GJB3: variants seen among roughly 807,000 people sequenced by gnomAD.
The protein encoded by GJB3 is gap junction protein beta 3.
In GJB3, 6 loss-of-function variants were observed where a neutral mutation model predicts 8.1. The ratio of observed to expected loss-of-function variants is 0.75; its 90% confidence interval spans 0.41 to 1.47. GJB3 has a LOEUF of 1.47. Ranked by LOEUF, GJB3 falls within the 40% of genes most tolerant of loss-of-function variation. The probability of loss-of-function intolerance (pLI) is 0.02; values close to 1 mark genes in which losing one functional copy is unlikely to be tolerated. For missense variants in GJB3, 348 were observed against 365.6 expected (o/e 0.95, Z 0.39); for synonymous variants, 137 against 156.4 (o/e 0.88, Z 0.93).
chr1:34,782,912 T>C (rs1261118745), intron 1 of GJB3, among the ~76,000 whole-genome samples: 2 of 152,164 alleles, frequency 1.3e-5, no homozygotes, highest in African/African-American at 2.4e-5. Flanking sequence ...TTCATTTGTT[T>C]ACCCATTCAG....
Position 34,784,888 on chromosome 1 carries a change from CGT to C in GJB3, c.130_131del (p.Trp44GlyfsTer3). 2 of 1,614,096 alleles carry C rather than the reference CGT, an allele frequency of 1.2e-6. No homozygotes were observed. The highest frequency in any genetic ancestry group is 1.7e-6 in the Non-Finnish European group (2 of 1,180,012). Reference sequence around the variant, plus strand: ...TGGTATACGTGGTGGCTGCAGAGCGCGTGTGGGGGGATGAGCAGAAGGACTTT... The same window carrying C: ...TGGTATACGTGGTGGCTGCAGAGCGCGTGGGGGGATGAGCAGAAGGACTTT... ...VLVYVVAAER[V>X]WGDEQKDFDC... On this transcript the variant is annotated frameshift_variant, in exon 2 of 2. Transcript: ENST00000373366. LOFTEE classifies it high-confidence loss of function.
Position 34,785,719 on chromosome 1 carries a change from G to A in GJB3, c.*144G>A. 1.5e-6 allele frequency: 1 copy of A among 689,302 alleles called. No individual in the cohort carries two copies. The highest frequency in any genetic ancestry group is 2.6e-6 in the Non-Finnish European group (1 of 390,252). 42.7% of individuals were successfully genotyped at this position (689,302 alleles called of 1,614,324 possible). On this transcript the variant is annotated 3_prime_UTR_variant, in exon 2 of 2. Transcript: ENST00000373366. The surrounding 1 kb of genome is among the most constrained non-coding windows in gnomAD (Gnocchi z 4.7). The stretch of plus-strand genomic sequence containing the variant: ...ACTTTCGTTTTGGCAGATATTTTTT[G>A]ACACTGGGAACTGGGCTGTCTAGCC...
In GJB3 at chr1:34,785,064, G is replaced by A. The variant is rs765605645; in HGVS notation, c.302G>A (p.Arg101Gln). The A allele has an allele frequency of 3.2e-5, 52 of 1,613,948 alleles. No individual in the cohort carries two copies. The highest frequency in any genetic ancestry group is 1.6e-4 in the Middle Eastern group (1 of 6,084). ...VILHVAYREERERRHRQKHGD... is the reference protein window; with the variant it reads ...VILHVAYREEQERRHRQKHGD... The stretch of plus-strand genomic sequence containing the variant: ...CTGCACGTGGCCTACCGTGAGGAGC[G>A]GGAGCGCCGGCACCGCCAGAAACAC... Residue 101 changes from arginine (R) to glutamine (Q), a missense_variant, in exon 2 of 2, where the codon CGG becomes CAG. Transcript: ENST00000373366. The surrounding 1 kb of genome is among the most constrained non-coding windows in gnomAD (Gnocchi z 4.7).
At chr1:34,784,227 C>G (rs562957632) in intron 1 of GJB3, among the ~76,000 whole-genome samples, 2 of 152,286 alleles carry the variant, frequency 1.3e-5, no homozygotes, top group African/African-American at 4.8e-5. Context: ...GCTCTGGTAC[C>G]CAACAGCCTG....
At position 34,785,618 on chromosome 1, in the gene GJB3, C is replaced by A. The variant is rs41266429; in HGVS notation, c.*43C>A. ...GGCAACATGCGGGCTGCCAATGGGA[C>A]ATGCAGGGCGGTGTGGCAGGTGGAG... On this transcript the variant is annotated 3_prime_UTR_variant, in exon 2 of 2. Transcript: ENST00000373366. The surrounding 1 kb of genome is among the most constrained non-coding windows in gnomAD (Gnocchi z 4.7). The A allele has an allele frequency of 0.12, 188,285 of 1,516,312 alleles. 12,316 individuals are homozygous for A. The highest frequency in any genetic ancestry group is 0.15 in the Admixed American group (8,984 of 59,164). 93.9% of individuals were successfully genotyped at this position (1,516,312 alleles called of 1,614,324 possible).
At position 34,786,040 on chromosome 1, in the gene GJB3, A is replaced by G. The variant is rs577259542; in HGVS notation, c.*465A>G. 5.8e-5 allele frequency: 11 copies of G among 190,636 alleles called. No homozygotes were observed. The highest frequency in any genetic ancestry group is 2.6e-4 in the African/African-American group (11 of 41,740). 11.8% of individuals were successfully genotyped at this position (190,636 alleles called of 1,614,324 possible). On this transcript the variant is annotated 3_prime_UTR_variant, in exon 2 of 2. Coordinates refer to ENST00000373366, the MANE Select transcript of GJB3 (RefSeq NM_024009.3). The surrounding 1 kb of genome is among the most constrained non-coding windows in gnomAD (Gnocchi z 4.4). Reference sequence around the variant, plus strand: ...GCCTCAGCAGACCTAAGGCATCTCTACTCCCTCCAGAGGAGCCGCCCAGAT... The same window carrying G: ...GCCTCAGCAGACCTAAGGCATCTCTGCTCCCTCCAGAGGAGCCGCCCAGAT...
chr1:34,782,616 A>G (rs923635649), intron 1 of GJB3, among the ~76,000 whole-genome samples: 13 of 152,156 alleles, frequency 8.5e-5, no homozygotes, highest in African/African-American at 2.9e-4. Flanking sequence ...GTTCCATGCT[A>G]TCCCACTCCC....
chr1:34,784,628 C>G, intron 1 of GJB3, 110 bp from the exon 2 acceptor site: 1 of 736,896 alleles, frequency 1.4e-6, no homozygotes, highest in Non-Finnish European at 2.4e-6. Context: ...CTCAGAGGGT[C>G]GTTGTGAGTA....
At chr1:34,783,712 C>T (rs139404997) in intron 1 of GJB3, among the ~76,000 whole-genome samples, 6 of 152,286 alleles carry the variant, frequency 3.9e-5, no homozygotes, top group Non-Finnish European at 1.5e-5. Flanking sequence ...CACACACACA[C>T]GTGGACAGGC....
In GJB3 at chr1:34,785,407, G is replaced by A. The variant is rs1640094093; in HGVS notation, c.645G>A (p.Leu215=). 3 of 1,614,162 alleles carry A rather than the reference G, an allele frequency of 1.9e-6. No homozygotes were observed. Among genetic ancestry groups the A allele is most frequent in the Non-Finnish European group, 2.5e-6 (3 of 1,180,040 alleles). ...ELCYLICHRV[L]RGLHKDKPRG... The stretch of plus-strand genomic sequence containing the variant: ...GCTACCTCATCTGCCACAGGGTCCT[G>A]CGAGGCCTGCACAAGGACAAGCCTC... The change falls in exon 2 of 2, where the codon CTG becomes CTA. Residue 215 remains leucine (L), a synonymous_variant. Transcript: ENST00000373366. This position sits in a 1 kb window ranked among gnomAD's most constrained non-coding sequence, Gnocchi z 4.7.
At chr1:34,782,116 A>G (rs1015437903) in intron 1 of GJB3, among the ~76,000 whole-genome samples, 2 of 152,174 alleles carry the variant, frequency 1.3e-5, no homozygotes, top group Non-Finnish European at 2.9e-5. Context: ...GGCTGGGCAC[A>G]GTACAGTCTG....
Position 34,784,801 on chromosome 1 carries a change from G to A in GJB3, c.39G>A (p.Val13=), listed in dbSNP as rs1640071811. The A allele has an allele frequency of 1.2e-6, 2 of 1,614,222 alleles. No individual in the cohort carries two copies. The highest frequency in any genetic ancestry group is 1.3e-5 in the African/African-American group (1 of 75,058). ...CACTCCAGGCCCTACTGAGCGGTGTGAACAAGTACTCCACAGCGTTCGGGC... is the reference window on the plus strand; with the variant it reads ...CACTCCAGGCCCTACTGAGCGGTGTAAACAAGTACTCCACAGCGTTCGGGC... ...WKTLQALLSG[V]NKYSTAFGRI... The change falls in exon 2 of 2, where the codon GTG becomes GTA. Residue 13 remains valine (V), a synonymous_variant. Coordinates refer to ENST00000373366, the MANE Select transcript of GJB3 (RefSeq NM_024009.3).
rs143866277 is a variant in GJB3, at chr1:34,785,090, G to A, written c.328G>A (p.Gly110Arg). Residue 110 changes from glycine (G) to arginine (R), a missense_variant, in exon 2 of 2, where the codon GGG becomes AGG. Transcript: ENST00000373366. The surrounding 1 kb of genome is among the most constrained non-coding windows in gnomAD (Gnocchi z 4.7). ...GGAGCGCCGGCACCGCCAGAAACAC[G>A]GGGACCAGTGCGCCAAGCTGTACGA... is the stretch of plus-strand genomic sequence containing the variant. The part of the protein sequence containing the change: ...ERERRHRQKH[G>R]DQCAKLYDNA... The A allele has an allele frequency of 2.0e-5, 32 of 1,613,954 alleles. No individual in the cohort carries two copies. Among genetic ancestry groups the A allele is most frequent in the African/African-American group, 1.2e-4 (9 of 74,924 alleles).
intron 1 of GJB3, among the ~76,000 whole-genome samples, chr1:34,783,160 C>T (rs1640040526): frequency 6.6e-6 from 1 of 151,628 alleles, no homozygotes; most frequent in Non-Finnish European, 1.5e-5. Context: ...AGGTAGGAGG[C>T]TCCCTTGAGC....
intron 1 of GJB3, 137 bp from the exon 2 acceptor site, chr1:34,784,601 G>A (rs1041595555): frequency 3.0e-6 from 2 of 671,086 alleles, no homozygotes; most frequent in Non-Finnish European, 5.4e-6. Flanking sequence ...CAGCTTGGGA[G>A]GAATAACAGT....
chr1:34,782,822 C>G (rs1369523133), intron 1 of GJB3, among the ~76,000 whole-genome samples: 2 of 151,652 alleles, frequency 1.3e-5, no homozygotes, highest in African/African-American at 4.8e-5. Flanking sequence ...CCCAATCCCC[C>G]TGACCAGGCT....
At chr1:34,784,088 T>C (rs917207782) in intron 1 of GJB3, among the ~76,000 whole-genome samples, 1 of 152,208 alleles carries the variant, frequency 6.6e-6, no homozygotes, top group Non-Finnish European at 1.5e-5. Context: ...GTTTCCCTGC[T>C]GTAGAATGGG....
rs998350968 is a variant in GJB3, at chr1:34,786,204, A to G, written c.*629A>G. ...TGGAAGCCCTCTTTCCCCAAATCCTACTCCCTCAGCCTCAGGCAGTGGTGC... is the reference window on the plus strand; with the variant it reads ...TGGAAGCCCTCTTTCCCCAAATCCTGCTCCCTCAGCCTCAGGCAGTGGTGC... On this transcript the variant is annotated 3_prime_UTR_variant, in exon 2 of 2. Transcript: ENST00000373366. The surrounding 1 kb of genome is among the most constrained non-coding windows in gnomAD (Gnocchi z 4.4). The G allele has an allele frequency of 6.0e-6, 1 of 167,548 alleles. No individual in the cohort carries two copies. The highest frequency in any genetic ancestry group is 1.5e-5 in the Non-Finnish European group (1 of 68,730). 10.4% of individuals were successfully genotyped at this position (167,548 alleles called of 1,614,324 possible).
rs1223118947 is a variant in GJB3, at chr1:34,785,495, C to T, written c.733C>T (p.Leu245=). The change falls in exon 2 of 2, where the codon CTG becomes TTG. Residue 245 remains leucine (L), a synonymous_variant. Coordinates refer to ENST00000373366, the MANE Select transcript of GJB3 (RefSeq NM_024009.3). The surrounding 1 kb of genome is among the most constrained non-coding windows in gnomAD (Gnocchi z 4.7). The stretch of plus-strand genomic sequence containing the variant: ...TTCCACCTGCCGCTGCCACCACAAG[C>T]TGGTGGAGGCTGGGGAGGTGGATCC... ...RASTCRCHHK[L]VEAGEVDPDP... The T allele has an allele frequency of 3.1e-6, 5 of 1,614,104 alleles. No individual in the cohort carries two copies. The highest frequency in any genetic ancestry group is 4.5e-5 in the East Asian group (2 of 44,858).
Sources: allele counts gnomAD v4.1 joint callset (sites outside exome capture counted in the v4.1 genomes callset), GRCh38; gene constraint gnomAD v4.1.1; non-coding constraint Gnocchi (gnomAD v3.1); transcripts MANE v1.5; gene names NCBI Gene and HGNC (gene_info 2026-07-23, HGNC 2026-07-21).